Variants in ARHGAP40 observed in about 807,000 individuals in gnomAD.
The protein encoded by ARHGAP40 is Rho GTPase activating protein 40.
In ARHGAP40, 43 loss-of-function variants were observed where a neutral mutation model predicts 73.5. The ratio of observed to expected loss-of-function variants is 0.58; its 90% confidence interval spans 0.46 to 0.75. ARHGAP40 has a LOEUF of 0.75. Among genes scored for constraint, ARHGAP40 ranks in the 30% least tolerant of loss-of-function variants. The pLI is 0.00. For missense variants in ARHGAP40, 734 were observed against 861.8 expected (o/e 0.85, Z 1.86); for synonymous variants, 300 against 352.8 (o/e 0.85, Z 1.68).
intron 1 of ARHGAP40, among the ~76,000 whole-genome samples, chr20:38,604,837 T>C (rs904380505): frequency 1.3e-5 from 2 of 152,308 alleles, no homozygotes; most frequent in Non-Finnish European, 2.9e-5. Flanking sequence ...AAAATTATCT[T>C]GATTGTATGA....
chr20:38,648,468 C>A (rs1450371255), intron 13 of ARHGAP40, among the ~76,000 whole-genome samples, 175 bp from the exon 14 acceptor site: 8 of 152,256 alleles, frequency 5.3e-5, no homozygotes. Context: ...GGGTGCTGGA[C>A]TCTGTCACTG....
rs575928927 is a variant in ARHGAP40 at position 38,607,137 on chromosome 20, G to A, written c.137+5058G>A. 2.6e-5 allele frequency among the ~76,000 whole-genome samples: 4 copies of A among 152,292 alleles called. No homozygotes were observed. In the South Asian group the frequency reaches 6.2e-4, roughly 24 times the overall value. ...ATCAGTGGTCAAAGGGCAAGTTCTT[G>A]GAGCTGACTCCAAATAGCACAGGCT... On this transcript the variant is annotated intron_variant, in intron 1 of 14. Transcript: ENST00000373345.
Position 38,634,613 on chromosome 20 carries a change from T to C in ARHGAP40, c.784-7T>C, listed in dbSNP as rs2088961325. On this transcript the variant is annotated splice_region_variant and splice_polypyrimidine_tract_variant and intron_variant, in intron 5 of 14. Transcript: ENST00000373345. ...CAAATTGTCTTTACTTCCCTCTCTATTAATAGAAGTTTACCGTCCCCAAAG... is the reference window on the plus strand; with the variant it reads ...CAAATTGTCTTTACTTCCCTCTCTACTAATAGAAGTTTACCGTCCCCAAAG... 1 of 1,305,290 alleles carries C rather than the reference T, an allele frequency of 7.7e-7. No individual in the cohort carries two copies. The highest frequency in any genetic ancestry group is 1.0e-6 in the Non-Finnish European group (1 of 988,952). The allele number at this position is 1,305,290 out of a possible 1,614,324, so 80.9% of individuals were successfully genotyped here. A position where few individuals can be genotyped will look rare whatever the true frequency, so the allele number is the denominator to read the frequency against.
intron 3 of ARHGAP40, among the ~76,000 whole-genome samples, chr20:38,627,444 GGT>G (rs1470132740): frequency 1.1e-5 from 1 of 92,860 alleles, no homozygotes; most frequent in Non-Finnish European, 2.6e-5. Context: ...CTGTGTTGGG[GGT>G]GTGTGTGTTG....
At position 38,602,099 on chromosome 20, in the gene ARHGAP40, G is replaced by A. The variant is rs1255804671; in HGVS notation, c.137+20G>A. 1 of 1,269,678 alleles carries A rather than the reference G, an allele frequency of 7.9e-7. No homozygotes were observed. The highest frequency in any genetic ancestry group is 1.0e-6 in the Non-Finnish European group (1 of 977,164). 78.7% of individuals were successfully genotyped at this position (1,269,678 alleles called of 1,614,324 possible). On this transcript the variant is annotated intron_variant, in intron 1 of 14. Transcript: ENST00000373345. ...CTGCAGGTACAGGGGTCACGGGAGCGGGAGGGAAGTTGGCCCTACTATGCA... is the reference window on the plus strand; with the variant it reads ...CTGCAGGTACAGGGGTCACGGGAGCAGGAGGGAAGTTGGCCCTACTATGCA...
intron 1 of ARHGAP40, among the ~76,000 whole-genome samples, chr20:38,611,413 C>CTTTTTT (rs11482396): frequency 8.5e-6 from 1 of 118,332 alleles, no homozygotes; most frequent in Non-Finnish European, 1.7e-5. Context: ...CTATTTAAAA[C>CTTTTTT]TTTTTTTTTT....
intron 1 of ARHGAP40, among the ~76,000 whole-genome samples, chr20:38,608,564 A>G (rs1254624305): frequency 2.0e-5 from 3 of 152,062 alleles, no homozygotes; most frequent in African/African-American, 7.2e-5. Flanking sequence ...CTATCACACA[A>G]TCACCCTGAT....
intron 1 of ARHGAP40, among the ~76,000 whole-genome samples, chr20:38,608,523 A>G (rs941472595): frequency 6.6e-6 from 1 of 152,162 alleles, no homozygotes; most frequent in Non-Finnish European, 1.5e-5. Flanking sequence ...TACAGGCCTT[A>G]CTTTATTTCA....
intron 2 of ARHGAP40, 146 bp from the exon 3 acceptor site, chr20:38,626,849 C>G: frequency 2.1e-6 from 1 of 480,770 alleles, no homozygotes; most frequent in Non-Finnish European, 3.5e-6. Flanking sequence ...CCCGGAGAGT[C>G]TGGTTGGTGT....
At chr20:38,634,906 G>A (rs767340174) in intron 6 of ARHGAP40, 121 bp downstream of exon 6, 45 of 992,166 alleles carry the variant, frequency 4.5e-5, no homozygotes, top group Middle Eastern at 9.1e-4. Context: ...TTTTTGAGAC[G>A]GAGTCTCGCT....
At chr20:38,623,480 A>G in exon 2 of ARHGAP40, 1 of 1,290,812 alleles carries the variant, frequency 7.7e-7, no homozygotes, top group Non-Finnish European at 1.0e-6. Context: ...TGGCTTTTGG[A>G]TGGAGGTGGA....
intron 11 of ARHGAP40, among the ~76,000 whole-genome samples, chr20:38,645,526 A>G (rs1372685028): frequency 6.6e-6 from 1 of 152,030 alleles, no homozygotes; most frequent in Admixed American, 6.6e-5. Context: ...GGAATTCAGA[A>G]TCGACTCCAG....
intron 8 of ARHGAP40, 52 bp downstream of exon 8, chr20:38,638,890 C>T (rs2088994844): frequency 1.6e-6 from 2 of 1,280,874 alleles, no homozygotes; most frequent in South Asian, 1.2e-5. Flanking sequence ...CCCATGCTCA[C>T]ATGTGTGTTA....
At chr20:38,636,237 C>A (rs76157988) in intron 6 of ARHGAP40, among the ~76,000 whole-genome samples, 10,375 of 151,872 alleles carry the variant, frequency 0.068, 394 homozygotes, top group African/African-American at 0.1. Context: ...ATTAAATATT[C>A]CTTGAAAACA....
At chr20:38,622,925 C>T (rs2088880583) in intron 1 of ARHGAP40, among the ~76,000 whole-genome samples, 1 of 152,096 alleles carries the variant, frequency 6.6e-6, no homozygotes, top group African/African-American at 2.4e-5. Flanking sequence ...ACAGGAGACC[C>T]AGGGCTTGGC....
chr20:38,613,591 G>A (rs941836580), intron 1 of ARHGAP40, among the ~76,000 whole-genome samples: 2 of 152,130 alleles, frequency 1.3e-5, no homozygotes, highest in Admixed American at 1.3e-4. Context: ...CTGCCCTGGA[G>A]AAGGTCTCTG....
chr20:38,638,282 C>T (rs980910791), intron 7 of ARHGAP40, among the ~76,000 whole-genome samples: 32 of 151,782 alleles, frequency 2.1e-4, no homozygotes, highest in African/African-American at 7.5e-4. Context: ...GCCACTGCAC[C>T]CCAGCATGGG....
At chr20:38,614,981 C>T (rs1391658930) in intron 1 of ARHGAP40, 20 of 1,237,362 alleles carry the variant, frequency 1.6e-5, no homozygotes, top group Admixed American at 5.0e-5. Context: ...TGTGGTTGAG[C>T]GCTTGTGTGA....
chr20:38,609,692 C>T (rs1252475935), intron 1 of ARHGAP40, among the ~76,000 whole-genome samples: 1 of 152,160 alleles, frequency 6.6e-6, no homozygotes, highest in Non-Finnish European at 1.5e-5. Flanking sequence ...CTGAGCAGGC[C>T]AAGGATGGGA....
Sources: allele counts gnomAD v4.1 joint callset (sites outside exome capture counted in the v4.1 genomes callset), GRCh38; gene constraint gnomAD v4.1.1; transcripts MANE v1.5; gene names NCBI Gene and HGNC (gene_info 2026-07-23, HGNC 2026-07-21).